Variants in RAP1GAP2 observed in about 807,000 individuals in gnomAD.
The protein encoded by RAP1GAP2 is RAP1 GTPase activating protein 2.
Under a neutral mutation model 95.0 loss-of-function variants are expected in RAP1GAP2, and 27 were observed. The ratio of observed to expected loss-of-function variants is 0.28; its 90% CI spans 0.21 to 0.39. The LOEUF (loss-of-function observed/expected upper bound fraction) is 0.39. Ranked by LOEUF, RAP1GAP2 falls within the 10% of genes least tolerant of loss-of-function variation. The pLI is 1.00. For missense variants in RAP1GAP2, 771 were observed against 970.0 expected (o/e 0.79, Z 2.72); for synonymous variants, 373 against 380.9 (o/e 0.98, Z 0.24).
chr17:2,795,584 T>C (rs1459898083), upstream of RAP1GAP2, among the ~76,000 whole-genome samples: 4 of 152,184 alleles, frequency 2.6e-5, no homozygotes, highest in Non-Finnish European at 5.9e-5. Context: ...GTCTAGACAC[T>C]TGGCGGCGGG....
chr17:2,966,345 A>T (rs2044598655), intron 8 of RAP1GAP2, among the ~76,000 whole-genome samples: 1 of 152,232 alleles, frequency 6.6e-6, no homozygotes, highest in South Asian at 2.1e-4. Context: ...TGATTTTAGC[A>T]ATATGCACAG....
intron 2 of RAP1GAP2, among the ~76,000 whole-genome samples, chr17:2,858,703 G>A (rs567650389): frequency 3.6e-4 from 55 of 152,056 alleles, no homozygotes; most frequent in Non-Finnish European, 6.8e-4. Context: ...TGGAGCCCAG[G>A]AGTTCGAGAC....
In RAP1GAP2 at chr17:2,901,071, G is replaced by A. The variant is rs536970051; in HGVS notation, c.81-4213G>A. ...GTGAATCATGGCCTTTGACTTCTCA[G>A]CTTCCACTCCAGGCCCCTTTGACCA... is the stretch of plus-strand genomic sequence containing the variant. On this transcript the variant is annotated intron_variant, in intron 2 of 24. Transcript: ENST00000254695. Among the ~76,000 whole-genome samples the A allele has an allele frequency of 2.6e-5, 4 of 152,336 alleles. No homozygotes were observed. In the South Asian group the frequency reaches 6.2e-4, roughly 24 times the overall value.
At chr17:2,863,405 G>A (rs2151624344) in intron 2 of RAP1GAP2, among the ~76,000 whole-genome samples, 1 of 152,286 alleles carries the variant, frequency 6.6e-6, no homozygotes, top group East Asian at 1.9e-4. Context: ...CTCCAGGGCT[G>A]GGCAGCCTGG....
intron 3 of RAP1GAP2, among the ~76,000 whole-genome samples, chr17:2,945,410 G>A (rs1029039976): frequency 1.3e-5 from 2 of 152,202 alleles, no homozygotes; most frequent in African/African-American, 2.4e-5. Flanking sequence ...GTTTTTTTGT[G>A]TTGGAACGTC....
intron 14 of RAP1GAP2, among the ~76,000 whole-genome samples, chr17:3,002,734 GC>G: frequency 6.6e-6 from 1 of 152,208 alleles, no homozygotes; most frequent in East Asian, 1.9e-4. Flanking sequence ...CCACGGAGGG[GC>G]CGGGCTGCCT....
At chr17:2,956,494 G>A (rs1309458788) in intron 3 of RAP1GAP2, among the ~76,000 whole-genome samples, 1 of 152,224 alleles carries the variant, frequency 6.6e-6, no homozygotes, top group Non-Finnish European at 1.5e-5. Context: ...GGTAGGAAGA[G>A]TGCTTGGAGG....
rs2046237290 is a variant in RAP1GAP2, at chr17:3,003,555, C to T, written c.1201-1814C>T. On this transcript the variant is annotated intron_variant, in intron 14 of 24. Transcript: ENST00000254695. This position sits in a 1 kb window ranked among gnomAD's most constrained non-coding sequence, Gnocchi z 4.1. ...CCCAGGCCACTCTTGGGCGTGGGGC[C>T]TTTGTCACGTTTGAAGCTTTCTGAG... Among the ~76,000 whole-genome samples, 1 of 152,102 alleles carries T rather than the reference C, an allele frequency of 6.6e-6. No individual in the cohort carries two copies.
chr17:2,866,737 T>C lies in RAP1GAP2; in HGVS notation c.81-38547T>C, dbSNP rs1251554881. 6.6e-6 allele frequency among the ~76,000 whole-genome samples: 1 copy of C among 151,492 alleles called. No individual in the cohort carries two copies. The highest frequency in any genetic ancestry group is 1.5e-5 in the Non-Finnish European group (1 of 67,932). Reference sequence around the variant, plus strand: ...GTCTCAGCCTCCCGAGTAGCTGGGATTACAGGTGTCCGCCACCAGGTCCGG... The same window carrying C: ...GTCTCAGCCTCCCGAGTAGCTGGGACTACAGGTGTCCGCCACCAGGTCCGG... On this transcript the variant is annotated intron_variant, in intron 2 of 24. Coordinates refer to ENST00000254695, the MANE Select transcript of RAP1GAP2 (RefSeq NM_015085.5). The surrounding 1 kb of genome is among the most constrained non-coding windows in gnomAD (Gnocchi z 4.0).
chr17:3,009,243 T>C (rs2046433371), intron 17 of RAP1GAP2, among the ~76,000 whole-genome samples: 1 of 152,180 alleles, frequency 6.6e-6, no homozygotes, highest in Admixed American at 6.5e-5. Context: ...AAAGTCCAGA[T>C]TGCCTGGAAT....
chr17:3,003,261 G>A lies in RAP1GAP2; in HGVS notation c.1201-2108G>A, dbSNP rs2046225237. On this transcript the variant is annotated intron_variant, in intron 14 of 24. Coordinates refer to ENST00000254695, the MANE Select transcript of RAP1GAP2 (RefSeq NM_015085.5). The surrounding 1 kb of genome is among the most constrained non-coding windows in gnomAD (Gnocchi z 4.1). ...CGAGAAATTGGCTCCACGGAGTCGG[G>A]TGTGCACGAAGCATCACTCTGGATT... 6.6e-6 allele frequency among the ~76,000 whole-genome samples: 1 copy of A among 152,168 alleles called. No homozygotes were observed. Among genetic ancestry groups the A allele is most frequent in the Admixed American group, 6.5e-5 (1 of 15,274 alleles).
intron 1 of RAP1GAP2, among the ~76,000 whole-genome samples, chr17:2,769,275 T>G (rs12602558): frequency 0.57 from 60,595 of 106,184 alleles, 15,330 homozygotes; most frequent in East Asian, 0.79. Flanking sequence ...AAAAAAAAGG[T>G]CTGGGTGCGG....
At chr17:2,984,890 C>CT (rs1161753592) in intron 10 of RAP1GAP2, 93 bp from the exon 11 acceptor site, 2 of 1,559,900 alleles carry the variant, frequency 1.3e-6, no homozygotes, top group Non-Finnish European at 1.7e-6. Context: ...AACACATTCT[C>CT]TCCCCAAATG....
At chr17:2,954,214 C>T (rs1021827478) in intron 3 of RAP1GAP2, among the ~76,000 whole-genome samples, 9 of 152,114 alleles carry the variant, frequency 5.9e-5, no homozygotes, top group Non-Finnish European at 8.8e-5. Flanking sequence ...ACGCCATTCT[C>T]CTGCCTCAGC....
chr17:2,959,770 C>G (rs1216409632), intron 4 of RAP1GAP2, among the ~76,000 whole-genome samples: 1 of 152,172 alleles, frequency 6.6e-6, no homozygotes, highest in Non-Finnish European at 1.5e-5. Context: ...TATCTTCAGT[C>G]AAGTCGGTTT....
At chr17:2,852,337 T>A (rs370074818) in intron 2 of RAP1GAP2, among the ~76,000 whole-genome samples, 40 of 69,620 alleles carry the variant, frequency 5.7e-4, no homozygotes, top group African/African-American at 2.3e-3. Flanking sequence ...AGGGAGGGGG[T>A]GGGGGTGGGG....
rs1401571289 is a variant in RAP1GAP2, at chr17:2,930,527, G to GAGTTTCAGTCTTGCCTGGCCTGC, written c.165+25162_165+25184dup. ...ATTTCCTACTTCGCAGGCTCATCCG[G>GAGTTTCAGTCTTGCCTGGCCTGC]AGTTTCAGTCTTGCCTGGCCTGCAG... is the stretch of plus-strand genomic sequence containing the variant. On this transcript the variant is annotated intron_variant, in intron 3 of 24. Transcript: ENST00000254695. 2.6e-5 allele frequency among the ~76,000 whole-genome samples: 4 copies of GAGTTTCAGTCTTGCCTGGCCTGC among 152,206 alleles called. No homozygotes were observed. In the East Asian group the frequency reaches 7.7e-4, roughly 29 times the overall value.
rs79340866 is a variant in RAP1GAP2 at position 2,876,741 on chromosome 17, G to A, written c.81-28543G>A. 5.8e-3 allele frequency among the ~76,000 whole-genome samples: 879 copies of A among 152,190 alleles called. 12 individuals carry two copies. The highest frequency in any genetic ancestry group is 0.019 in the African/African-American group (799 of 41,522). ...TCAGCTGGGGCTGAATTCCAAAGGCGAGGAGAGCATAAGGAGGCATGTCCG... is the reference window on the plus strand; with the variant it reads ...TCAGCTGGGGCTGAATTCCAAAGGCAAGGAGAGCATAAGGAGGCATGTCCG... On this transcript the variant is annotated intron_variant, in intron 2 of 24. Transcript: ENST00000254695.
chr17:2,841,038 C>T (rs1225372121), intron 2 of RAP1GAP2, among the ~76,000 whole-genome samples: 2 of 151,222 alleles, frequency 1.3e-5, no homozygotes, highest in Admixed American at 6.6e-5. Context: ...GCCTGTAATT[C>T]CAGCTGCTTG....
Sources: gnomAD v4.1 joint callset for allele counts (sites outside exome capture counted in the v4.1 genomes callset) on GRCh38, gnomAD v4.1.1 for gene constraint, Gnocchi (gnomAD v3.1) non-coding constraint, MANE v1.5 for transcripts, NCBI Gene and HGNC (gene_info 2026-07-23, HGNC 2026-07-21) for gene names.